Variants in SERINC5 observed in about 807,000 individuals in gnomAD.
SERINC5 encodes the protein chromosome 5 open reading frame 12.
In SERINC5, 41 loss-of-function variants were observed where a neutral mutation model predicts 63.1. The observed-to-expected ratio is 0.65, with a 90% CI of 0.51 to 0.84. SERINC5 has a LOEUF of 0.84. SERINC5 is among the 40% of genes least tolerant of loss of function. The pLI is 0.00. For missense variants in SERINC5, 523 were observed against 573.0 expected, an observed-to-expected ratio of 0.91 and a Z score of 0.89; for synonymous variants, 222 against 215.2, an observed-to-expected ratio of 1.03 and a Z score of -0.28.
intron 12 of SERINC5, among the ~76,000 whole-genome samples, chr5:80,112,756 G>A (rs1001334144): frequency 1.3e-5 from 2 of 151,914 alleles, no homozygotes; most frequent in Admixed American, 6.6e-5. Context: ...AGACCAGCCT[G>A]GGCAACATAA....
Position 80,144,039 on chromosome 5 carries a change from C to T in SERINC5, c.1239-229G>A, listed in dbSNP as rs774563739. Among the ~76,000 whole-genome samples, 5 of 152,238 alleles carry T rather than the reference C, an allele frequency of 3.3e-5. No homozygotes were observed. The South Asian group carries it at 1.0e-3, about 32-fold the overall frequency. ...CCCATGGCCCCCTCAGCCCACCCCC[C>T]GCATTCACCAATCTACTTTCTGCCT... On this transcript the variant is annotated intron_variant, in intron 11 of 11. Transcript: ENST00000507668.
At chr5:80,247,129 T>C (rs1397339898) in intron 1 of SERINC5, among the ~76,000 whole-genome samples, 2 of 152,212 alleles carry the variant, frequency 1.3e-5, no homozygotes, top group Non-Finnish European at 2.9e-5. Flanking sequence ...GCTAGTTCTG[T>C]AGACATATCA....
chr5:80,196,944 GAAAT>G (rs1419283584), intron 2 of SERINC5, among the ~76,000 whole-genome samples: 1 of 151,688 alleles, frequency 6.6e-6, no homozygotes, highest in Non-Finnish European at 1.5e-5. Context: ...CATCTCAAAA[GAAAT>G]AAATAAATAA....
intron 1 of SERINC5, among the ~76,000 whole-genome samples, chr5:80,231,392 A>G (rs1404565070): frequency 6.6e-6 from 1 of 152,216 alleles, no homozygotes; most frequent in Non-Finnish European, 1.5e-5. Context: ...ATAGTTTGTG[A>G]TCTGTATAAA....
chr5:80,183,727 C>A (rs1400654090), intron 2 of SERINC5, among the ~76,000 whole-genome samples: 16 of 152,082 alleles, frequency 1.1e-4, no homozygotes, highest in Non-Finnish European at 2.2e-4. Flanking sequence ...AGAGAACAAC[C>A]CCCTTTGACT....
At chr5:80,161,265 GA>G (rs1364903263) in intron 7 of SERINC5, among the ~76,000 whole-genome samples, 1 of 152,018 alleles carries the variant, frequency 6.6e-6, no homozygotes, top group African/African-American at 2.4e-5. Context: ...AGTTCTCTGA[GA>G]AATCTCCCAC....
chr5:80,234,426 T>C (rs989861026), intron 1 of SERINC5, among the ~76,000 whole-genome samples: 1 of 152,222 alleles, frequency 6.6e-6, no homozygotes, highest in Admixed American at 6.5e-5. Context: ...ATACCAGTTG[T>C]GCAACCAAAT....
chr5:80,178,537 A>T (rs925324675), intron 2 of SERINC5, among the ~76,000 whole-genome samples: 1,126 of 77,622 alleles, frequency 0.015, 42 homozygotes, highest in African/African-American at 0.05. Context: ...TAATTTTTGT[A>T]TTTTTTTTTT....
At chr5:80,204,693 G>A (rs71636206) in intron 1 of SERINC5, among the ~76,000 whole-genome samples, 337 of 152,230 alleles carry the variant, frequency 2.2e-3, no homozygotes, top group Non-Finnish European at 3.5e-3. Flanking sequence ...AAGAGCAAGA[G>A]AAGAAGCCAA....
chr5:80,255,973 G>A lies in SERINC5; in HGVS notation c.-51C>T, dbSNP rs1467542065. 1.3e-5 allele frequency: 20 copies of A among 1,483,384 alleles called. No individual in the cohort carries two copies. The highest frequency in any genetic ancestry group is 7.7e-5 in the South Asian group (6 of 77,558). The allele number at this position is 1,483,384 out of a possible 1,614,324, so 91.9% of individuals were successfully genotyped here. On this transcript the variant is annotated 5_prime_UTR_variant, in exon 1 of 12. Transcript: ENST00000507668. ...CTCGCTGGCTCCCCGCGCCGCACGG[G>A]CCCTCCTGGCTGCCTCGCGCCTCGA... is the stretch of plus-strand genomic sequence containing the variant.
At chr5:80,203,257 CAT>C (rs35653111) in intron 1 of SERINC5, 2,967 of 257,110 alleles carry the variant, frequency 0.012, 51 homozygotes, top group African/African-American at 0.041. Context: ...TATATATACA[CAT>C]ATATATATAT....
chr5:80,168,321 C>T (rs6870089), intron 6 of SERINC5, among the ~76,000 whole-genome samples: 10,714 of 152,022 alleles, frequency 0.07, 468 homozygotes, highest in East Asian at 0.15. Flanking sequence ...CTCAGCCTCC[C>T]GGGTAGCTGG....
chr5:80,226,366 C>T (rs1751166390), intron 1 of SERINC5, among the ~76,000 whole-genome samples: 1 of 152,212 alleles, frequency 6.6e-6, no homozygotes, highest in Non-Finnish European at 1.5e-5. Context: ...GGTTAACCGA[C>T]TTTCCAGAAG....
At position 80,214,797 on chromosome 5, in the gene SERINC5, T is replaced by A. The variant is rs368489123; in HGVS notation, c.28-11744A>T. On this transcript the variant is annotated intron_variant, in intron 1 of 11. Transcript: ENST00000507668. ...CTGTAATCCCAGCTACTTGGGAGGC[T>A]GAGGCAGGAGAATTGCTTAAACCCA... is the stretch of plus-strand genomic sequence containing the variant. 5.6e-4 allele frequency among the ~76,000 whole-genome samples: 85 copies of A among 152,294 alleles called. No homozygotes were observed. In the South Asian group the frequency reaches 0.017, roughly 30 times the overall value.
chr5:80,151,206 T>C (rs1746161007), intron 8 of SERINC5, among the ~76,000 whole-genome samples: 1 of 152,228 alleles, frequency 6.6e-6, no homozygotes, highest in African/African-American at 2.4e-5. Context: ...AAGTAAGATA[T>C]CTTGGTTTTC....
intron 9 of SERINC5, among the ~76,000 whole-genome samples, chr5:80,147,578 T>C (rs1282174311): frequency 6.6e-6 from 1 of 152,100 alleles, no homozygotes; most frequent in African/African-American, 2.4e-5. Context: ...TGGCTGATCA[T>C]GGCAGGGGTA....
At chr5:80,190,878 A>G (rs1425848582) in intron 2 of SERINC5, among the ~76,000 whole-genome samples, 1 of 152,188 alleles carries the variant, frequency 6.6e-6, no homozygotes, top group African/African-American at 2.4e-5. Context: ...CAGACCTGGA[A>G]TTGAATGATG....
intron 1 of SERINC5, among the ~76,000 whole-genome samples, chr5:80,204,879 G>T (rs141262287): frequency 1.3e-5 from 2 of 152,310 alleles, no homozygotes; most frequent in Non-Finnish European, 2.9e-5. Context: ...AAACAAAACT[G>T]CAGCTGCACT....
intron 10 of SERINC5, 77 bp from the exon 11 acceptor site, chr5:80,146,311 T>C (rs987991431): frequency 6.5e-6 from 10 of 1,544,296 alleles, no homozygotes; most frequent in African/African-American, 1.4e-5. Flanking sequence ...CGCTCGCTAA[T>C]TCTACAGGGC....
Sources: allele counts gnomAD v4.1 joint callset (sites outside exome capture counted in the v4.1 genomes callset), GRCh38; gene constraint gnomAD v4.1.1; transcripts MANE v1.5; gene names NCBI Gene and HGNC (gene_info 2026-07-23, HGNC 2026-07-21).